CLEC16A: variants seen among roughly 807,000 people sequenced by gnomAD.
The protein encoded by CLEC16A is C-type lectin domain containing 16A.
In CLEC16A, 51 loss-of-function variants were observed where a neutral mutation model predicts 109.5. The observed-to-expected ratio is 0.47, with a 90% CI of 0.37 to 0.59. The LOEUF is 0.59. CLEC16A is among the 20% of genes least tolerant of loss of function. The probability of loss-of-function intolerance (pLI) is 0.00; values close to 1 mark genes in which losing one functional copy is unlikely to be tolerated. For synonymous variants in CLEC16A, 673 were observed against 564.2 expected (o/e 1.19, Z -2.73); for missense variants, 1,339 against 1,394.0 (o/e 0.96, Z 0.63).
intron 13 of CLEC16A, among the ~76,000 whole-genome samples, chr16:11,030,783 T>C (rs1345181597): frequency 6.6e-6 from 1 of 152,208 alleles, no homozygotes; most frequent in African/African-American, 2.4e-5. Context: ...TAGCTGGGAC[T>C]ACAGGTGTGC....
chr16:11,001,798 C>T (rs913948820), intron 10 of CLEC16A, among the ~76,000 whole-genome samples: 4 of 152,172 alleles, frequency 2.6e-5, no homozygotes, highest in Admixed American at 2.0e-4. Flanking sequence ...TGAGCCACCA[C>T]ACCCGGCCAT....
intron 19 of CLEC16A, among the ~76,000 whole-genome samples, chr16:11,067,419 G>A (rs75324492): frequency 6.6e-6 from 1 of 152,026 alleles, no homozygotes; most frequent in Non-Finnish European, 1.5e-5. Context: ...GGCTGCAGGG[G>A]GGGTGTGGGT....
intron 1 of CLEC16A, among the ~76,000 whole-genome samples, chr16:10,953,919 G>A (rs2041858336): frequency 1.3e-5 from 2 of 151,504 alleles, no homozygotes; most frequent in South Asian, 4.2e-4. Context: ...AGAGCTTGCA[G>A]TGAGTGGAGA....
chr16:11,117,186 G>T (rs1429245416), intron 19 of CLEC16A, among the ~76,000 whole-genome samples: 1 of 152,070 alleles, frequency 6.6e-6, no homozygotes, highest in Admixed American at 6.5e-5. Flanking sequence ...AAGGCAGGGG[G>T]GTGACAGGGG....
intron 19 of CLEC16A, among the ~76,000 whole-genome samples, chr16:11,108,200 G>C (rs1284682521): frequency 1.3e-5 from 2 of 152,268 alleles, no homozygotes; most frequent in African/African-American, 4.8e-5. Context: ...ATGGATTCTA[G>C]CATCTGAAAA....
chr16:11,036,670 C>A (rs1013321998), intron 13 of CLEC16A, among the ~76,000 whole-genome samples: 28 of 151,778 alleles, frequency 1.8e-4, no homozygotes, highest in Non-Finnish European at 3.7e-4. Flanking sequence ...ATTTCTGAGC[C>A]TCTCAAGTAG....
intron 20 of CLEC16A, among the ~76,000 whole-genome samples, chr16:11,123,152 T>G (rs2052556666): frequency 6.6e-6 from 1 of 152,146 alleles, no homozygotes; most frequent in Admixed American, 6.5e-5. Flanking sequence ...TCCACCCACT[T>G]CGGCCTCCCA....
intron 11 of CLEC16A, among the ~76,000 whole-genome samples, chr16:11,011,751 C>T (rs1324789152): frequency 1.3e-5 from 2 of 152,132 alleles, no homozygotes. Flanking sequence ...CATATACATA[C>T]ATATAAGCAT....
At chr16:11,124,414 C>T (rs919098752) in intron 21 of CLEC16A, among the ~76,000 whole-genome samples, 1 of 152,200 alleles carries the variant, frequency 6.6e-6, no homozygotes, top group Non-Finnish European at 1.5e-5. Context: ...TAAACTTACC[C>T]CTTCCTCCTT....
chr16:11,040,096 C>T (rs1468459960), intron 14 of CLEC16A: 1 of 500,756 alleles, frequency 2.0e-6, no homozygotes, highest in Non-Finnish European at 3.5e-6. Context: ...CCATCCCCTG[C>T]CACTTGGTAA....
chr16:11,103,510 G>A (rs906817029), intron 19 of CLEC16A, among the ~76,000 whole-genome samples: 1 of 152,166 alleles, frequency 6.6e-6, no homozygotes, highest in African/African-American at 2.4e-5. Context: ...AACCTGGCAG[G>A]TGGAGGTTGC....
intron 21 of CLEC16A, among the ~76,000 whole-genome samples, chr16:11,124,760 G>T (rs1567355172): frequency 1.3e-5 from 2 of 152,178 alleles, no homozygotes; most frequent in Admixed American, 1.3e-4. Flanking sequence ...CCTACCTGGG[G>T]ATGTGGGGGT....
chr16:11,144,502 G>A (rs1349952001), intron 22 of CLEC16A, among the ~76,000 whole-genome samples: 2 of 152,048 alleles, frequency 1.3e-5, no homozygotes, highest in Non-Finnish European at 2.9e-5. Flanking sequence ...CAGCTGAGAG[G>A]GACCTACAGG....
intron 19 of CLEC16A, among the ~76,000 whole-genome samples, chr16:11,097,318 C>G (rs548323170): frequency 6.6e-6 from 1 of 152,304 alleles, no homozygotes; most frequent in African/African-American, 2.4e-5. Flanking sequence ...ACATCCCTTA[C>G]CAATTTTCTT....
intron 11 of CLEC16A, among the ~76,000 whole-genome samples, chr16:11,004,342 G>C (rs1207681161): frequency 6.6e-6 from 1 of 152,188 alleles, no homozygotes; most frequent in Non-Finnish European, 1.5e-5. Context: ...GGGAAGTGAT[G>C]GGGAGCTTGA....
intron 11 of CLEC16A, among the ~76,000 whole-genome samples, chr16:11,016,890 G>A (rs1460007535): frequency 5.3e-5 from 8 of 151,908 alleles, no homozygotes; most frequent in Non-Finnish European, 7.4e-5. Context: ...GATGGGGCCC[G>A]CCCTGTGGGA....
At chr16:11,154,532 A>C (rs957185026) in intron 22 of CLEC16A, among the ~76,000 whole-genome samples, 2 of 152,212 alleles carry the variant, frequency 1.3e-5, no homozygotes, top group Admixed American at 6.5e-5. Flanking sequence ...CATAACAGCT[A>C]ATGTGAGGAA....
chr16:11,012,594 CAAAAAAAAAAA>C (rs551902895), intron 11 of CLEC16A, among the ~76,000 whole-genome samples: 11 of 67,932 alleles, frequency 1.6e-4, no homozygotes, highest in African/African-American at 3.1e-4. Flanking sequence ...GACTCCGTCT[CAAAAAAAAAAA>C]AAAAAAAAAA....
At chr16:11,136,304 G>C (rs1347070702) in intron 22 of CLEC16A, 3 of 152,220 alleles carry the variant, frequency 2.0e-5, no homozygotes, top group Non-Finnish European at 4.4e-5. Context: ...TCAGATGGTA[G>C]ATTCTGTTAT....
Sources: gnomAD v4.1 joint callset for allele counts (sites outside exome capture counted in the v4.1 genomes callset) on GRCh38, gnomAD v4.1.1 for gene constraint, MANE v1.5 for transcripts, NCBI Gene and HGNC (gene_info 2026-07-23, HGNC 2026-07-21) for gene names.